OPRK1: variants seen among roughly 807,000 people sequenced by gnomAD.
OPRK1 encodes kappa-type opioid receptor.
In OPRK1, 15 loss-of-function variants were observed where a neutral mutation model predicts 24.5. The ratio of observed to expected loss-of-function variants is 0.61; its 90% CI spans 0.41 to 0.94. The LOEUF (loss-of-function observed/expected upper bound fraction) is 0.94, where lower values mean the gene tolerates loss of function less well. Among genes scored for constraint, OPRK1 ranks in the 40% least tolerant of loss-of-function variants. The pLI, the probability that OPRK1 is intolerant of heterozygous loss-of-function variation, is 0.00. For missense variants in OPRK1, 479 were observed against 507.3 expected (o/e 0.94, Z 0.54); for synonymous variants, 205 against 198.0 (o/e 1.04, Z -0.30).
chr8:53,251,205 G>A (rs550893166), intron 1 of OPRK1, 120 bp from the exon 2 acceptor site: 2 of 1,141,766 alleles, frequency 1.8e-6, no homozygotes, highest in South Asian at 1.8e-5. Flanking sequence ...GCCGGGGGCA[G>A]GACAGGGAGA....
rs1051659 is a variant in OPRK1, at chr8:53,251,023, G to C, written c.15C>G (p.Ile5Met). 2.2e-5 allele frequency: 35 copies of C among 1,561,420 alleles called. No individual in the cohort carries two copies. The highest frequency in any genetic ancestry group is 1.3e-4 in the Admixed American group (7 of 52,526). Residue 5 changes from isoleucine (I) to methionine (M), a missense_variant, in exon 2 of 4, where the codon ATC becomes ATG. Coordinates refer to ENST00000265572, the MANE Select transcript of OPRK1 (RefSeq NM_000912.5). ...GGCCCGGCTCCCCGCGGAAGATCTG[G>C]ATCGGGGAGTCCATGGTGGGGCGAT... MDSP[I>M]QIFRGEPGPT...
At chr8:53,242,379 C>A (rs1027628420) in intron 2 of OPRK1, 2 of 155,688 alleles carry the variant, frequency 1.3e-5, no homozygotes, top group Non-Finnish European at 2.9e-5. Flanking sequence ...ATTTCCTCAT[C>A]TGAAAACGAG....
At chr8:53,250,638 C>T (rs1807353315) in intron 2 of OPRK1, 143 bp downstream of exon 2, 1 of 874,292 alleles carries the variant, frequency 1.1e-6, no homozygotes, top group Non-Finnish European at 1.7e-6. Context: ...TCTAGGAAGC[C>T]ACCCTGTAGC....
At chr8:53,243,650 A>G (rs1329119361) in intron 2 of OPRK1, among the ~76,000 whole-genome samples, 1 of 152,238 alleles carries the variant, frequency 6.6e-6, no homozygotes, top group Admixed American at 6.5e-5. Context: ...TAATCCACAT[A>G]AGCAGTTGCA....
rs184829699 is a variant in OPRK1 at position 53,234,013 on chromosome 8, C to T, written c.610+746G>A. 5.1e-3 allele frequency among the ~76,000 whole-genome samples: 769 copies of T among 151,838 alleles called. 6 individuals are homozygous for T. Among genetic ancestry groups the T allele is most frequent in the Non-Finnish European group, 5.6e-3 (381 of 67,938 alleles). ...GAGATTGAGACCACCCTGGCCAACA[C>T]GGTGAAACCCTGTCTCTACTAAAAA... On this transcript the variant is annotated intron_variant, in intron 3 of 3. Coordinates refer to ENST00000265572, the MANE Select transcript of OPRK1 (RefSeq NM_000912.5).
intron 3 of OPRK1, among the ~76,000 whole-genome samples, chr8:53,231,907 C>G (rs949253874): frequency 6.6e-6 from 1 of 152,160 alleles, no homozygotes; most frequent in Admixed American, 6.5e-5. Context: ...TCCTCCCAAA[C>G]AAACTGCCTT....
At chr8:53,242,651 C>A (rs974790946) in intron 2 of OPRK1, 1 of 254,990 alleles carries the variant, frequency 3.9e-6, no homozygotes, top group Non-Finnish European at 7.1e-6. Context: ...GGACTACAGG[C>A]GCCCGCCACT....
Position 53,235,333 on chromosome 8 carries a change from T to C in OPRK1, c.258-222A>G, listed in dbSNP as rs529375190. ...TTATTCTAGTGCTTTGTTTAAAAAATTTCAATATAGAAGATACAGAAAATA... is the reference window on the plus strand; with the variant it reads ...TTATTCTAGTGCTTTGTTTAAAAAACTTCAATATAGAAGATACAGAAAATA... On this transcript the variant is annotated intron_variant, in intron 2 of 3. Transcript: ENST00000265572. Among the ~76,000 whole-genome samples the C allele has an allele frequency of 1.5e-3, 226 of 152,280 alleles. 3 individuals carry two copies. Among genetic ancestry groups the C allele is most frequent in the East Asian group, 2.3e-3 (12 of 5,184 alleles).
At chr8:53,248,171 T>A (rs1164988673) in intron 2 of OPRK1, among the ~76,000 whole-genome samples, 1 of 152,048 alleles carries the variant, frequency 6.6e-6, no homozygotes, top group African/African-American at 2.4e-5. Context: ...TGGTACACAC[T>A]AAATGATGAG....
intron 2 of OPRK1, 148 bp downstream of exon 2, chr8:53,250,633 G>T: frequency 1.2e-6 from 1 of 842,916 alleles, no homozygotes. Context: ...CCTCTTCTAG[G>T]AAGCCACCCT....
intron 2 of OPRK1, among the ~76,000 whole-genome samples, chr8:53,239,400 A>C (rs62505381): frequency 0.12 from 18,253 of 152,200 alleles, 1,478 homozygotes; most frequent in African/African-American, 0.24. Flanking sequence ...GGATCTTGAG[A>C]TTTGAGAAAG....
intron 2 of OPRK1, among the ~76,000 whole-genome samples, chr8:53,237,462 A>G (rs982420421): frequency 6.6e-6 from 1 of 152,182 alleles, no homozygotes; most frequent in African/African-American, 2.4e-5. Flanking sequence ...CAGAGAGATG[A>G]GTACAGGCAA....
chr8:53,251,202 G>A, intron 1 of OPRK1, 117 bp from the exon 2 acceptor site: 1 of 1,160,006 alleles, frequency 8.6e-7, no homozygotes. Context: ...GTCGCCGGGG[G>A]CAGGACAGGG....
At chr8:53,245,839 G>GGTC in intron 2 of OPRK1, among the ~76,000 whole-genome samples, 1 of 152,270 alleles carries the variant, frequency 6.6e-6, no homozygotes, top group East Asian at 1.9e-4. Context: ...ACCATCCTAT[G>GGTC]TAATCTGAAA....
In OPRK1 at chr8:53,229,626, T is replaced by G. The variant is rs1329044572; in HGVS notation, c.814A>C (p.Ile272Leu). 3 of 1,613,842 alleles carry G rather than the reference T, an allele frequency of 1.9e-6. No individual in the cohort carries two copies. In the African/African-American group the frequency reaches 4.0e-5, roughly 22 times the overall value. ...SREKDRNLRR[I>L]TRLVLVVVAV... The stretch of plus-strand genomic sequence containing the variant: ...ACCACCACCAGGACCAGTCTGGTGA[T>G]CCTACGCAGGTTGCGATCTTTCTCT... Residue 272 changes from isoleucine to leucine, a missense_variant, in exon 4 of 4, where the codon ATC (isoleucine) becomes CTC (leucine). Ile to Leu is a conservative substitution (Grantham distance 5). Transcript: ENST00000265572.
chr8:53,229,141 G>C lies in OPRK1; in HGVS notation c.*156C>G. 1 of 812,704 alleles carries C rather than the reference G, an allele frequency of 1.2e-6. No individual in the cohort carries two copies. The highest frequency in any genetic ancestry group is 1.9e-5 in the South Asian group (1 of 52,696). 50.3% of individuals were successfully genotyped at this position (812,704 alleles called of 1,614,324 possible). On this transcript the variant is annotated 3_prime_UTR_variant, in exon 4 of 4. Coordinates refer to ENST00000265572, the MANE Select transcript of OPRK1 (RefSeq NM_000912.5). ...CTTGATGTTTCCACTGATCACGAAC[G>C]TGGTCTGCATCTGATGACTTCAGAC... is the stretch of plus-strand genomic sequence containing the variant.
intron 2 of OPRK1, chr8:53,242,908 C>G: frequency 7.8e-7 from 1 of 1,288,346 alleles, no homozygotes; most frequent in African/African-American, 1.5e-5. Context: ...CATTGAAATT[C>G]CAACCTGTTT....
At chr8:53,244,682 T>A (rs545101520) in intron 2 of OPRK1, among the ~76,000 whole-genome samples, 1 of 152,392 alleles carries the variant, frequency 6.6e-6, no homozygotes, top group Non-Finnish European at 1.5e-5. Context: ...TTTATCCTTA[T>A]AATTAATTTA....
intron 2 of OPRK1, among the ~76,000 whole-genome samples, chr8:53,240,224 C>T (rs982011992): frequency 3.3e-5 from 5 of 152,078 alleles, no homozygotes; most frequent in Admixed American, 2.0e-4. Context: ...GGTGACTTGC[C>T]TGAAACTACA....
Sources: gnomAD v4.1 joint callset for allele counts (sites outside exome capture counted in the v4.1 genomes callset) on GRCh38, gnomAD v4.1.1 for gene constraint, MANE v1.5 for transcripts, NCBI Gene and HGNC (gene_info 2026-07-23, HGNC 2026-07-21) for gene names.